Variants in LSAMP observed in about 807,000 individuals in gnomAD.
The protein encoded by LSAMP is limbic system associated membrane protein.
LSAMP carries 7 observed loss-of-function variants against 38.6 expected under a neutral mutation model. That is an observed-to-expected ratio of 0.18 (90% CI 0.10 to 0.34). LSAMP has a LOEUF of 0.34. Ranked by LOEUF, LSAMP falls within the 10% of genes least tolerant of loss-of-function variation. The pLI is 1.00. For synonymous variants in LSAMP, 154 were observed against 166.8 expected, an observed-to-expected ratio of 0.92 and a Z score of 0.59; for missense variants, 313 against 420.0, an observed-to-expected ratio of 0.75 and a Z score of 2.23.
chr3:115,870,065 A>G (rs1935987197), intron 3 of LSAMP, among the ~76,000 whole-genome samples: 1 of 152,132 alleles, frequency 6.6e-6, no homozygotes. Flanking sequence ...CATAAAAATT[A>G]TATAAAATTT....
rs543314781 is a variant in LSAMP at position 116,351,997 on chromosome 3, G to A, written c.155+92880C>T. Among the ~76,000 whole-genome samples the A allele has an allele frequency of 2.0e-5, 3 of 152,190 alleles. No homozygotes were observed. The East Asian group carries it at 5.8e-4, about 29-fold the overall frequency. ...ATAGCACTTAGAATGTCAGAGGAAAGTTTAGTTAACCCTTCAAATATTGTG... is the reference window on the plus strand; with the variant it reads ...ATAGCACTTAGAATGTCAGAGGAAAATTTAGTTAACCCTTCAAATATTGTG... On this transcript the variant is annotated intron_variant, in intron 1 of 6. Transcript: ENST00000490035.
chr3:116,188,816 C>T (rs1440349870), intron 1 of LSAMP, among the ~76,000 whole-genome samples: 1 of 152,098 alleles, frequency 6.6e-6, no homozygotes, highest in African/African-American at 2.4e-5. Context: ...ACACAAAGCT[C>T]ACATATACTC....
chr3:116,055,772 T>TC (rs1941480597), intron 2 of LSAMP, among the ~76,000 whole-genome samples: 1 of 152,222 alleles, frequency 6.6e-6, no homozygotes, highest in African/African-American at 2.4e-5. Context: ...CCATATGCTT[T>TC]CTTTGTAAAT....
intron 2 of LSAMP, among the ~76,000 whole-genome samples, chr3:116,050,801 C>T (rs1046587244): frequency 6.6e-6 from 1 of 152,166 alleles, no homozygotes; most frequent in Non-Finnish European, 1.5e-5. Flanking sequence ...ATATGAGTTG[C>T]TATGAAATTC....
At chr3:115,987,470 CTT>C (rs1939543209) in intron 3 of LSAMP, among the ~76,000 whole-genome samples, 1 of 152,124 alleles carries the variant, frequency 6.6e-6, no homozygotes, top group Non-Finnish European at 1.5e-5. Context: ...TTCGTTTAAC[CTT>C]GTGTTATTGA....
intron 1 of LSAMP, among the ~76,000 whole-genome samples, chr3:116,244,340 T>C (rs898792464): frequency 6.6e-6 from 1 of 152,236 alleles, no homozygotes; most frequent in African/African-American, 2.4e-5. Context: ...CCTAAATTTA[T>C]GTCCTTTGAC....
In LSAMP at chr3:115,828,553, A is replaced by G. The variant is rs1033533477; in HGVS notation, c.919+13292T>C. 2.0e-5 allele frequency among the ~76,000 whole-genome samples: 3 copies of G among 152,180 alleles called. No homozygotes were observed. The South Asian group carries it at 6.2e-4, about 31-fold the overall frequency. On this transcript the variant is annotated intron_variant, in intron 6 of 6. Transcript: ENST00000490035. The stretch of plus-strand genomic sequence containing the variant: ...AGCAAGCAGTGCTGCCGTGCACTCT[A>G]AAGACCAGAGGAGCCTGTGTCAGTT...
At chr3:116,196,690 T>C (rs1349538254) in intron 1 of LSAMP, among the ~76,000 whole-genome samples, 1 of 152,224 alleles carries the variant, frequency 6.6e-6, no homozygotes, top group African/African-American at 2.4e-5. Context: ...AGACCTGCCT[T>C]ATCACGTGTA....
chr3:116,090,004 CTTAAT>C (rs1337642557), intron 1 of LSAMP, among the ~76,000 whole-genome samples: 7 of 151,430 alleles, frequency 4.6e-5, no homozygotes, highest in African/African-American at 1.7e-4. Context: ...ATTTTAGAAT[CTTAAT>C]TTAAGGTGGC....
At chr3:116,158,190 T>A (rs1709801750) in intron 1 of LSAMP, among the ~76,000 whole-genome samples, 1 of 152,178 alleles carries the variant, frequency 6.6e-6, no homozygotes, top group South Asian at 2.1e-4. Flanking sequence ...AACTAGGCAT[T>A]GAAGGAACAT....
intron 3 of LSAMP, among the ~76,000 whole-genome samples, chr3:115,984,355 T>C (rs1023927684): frequency 7.9e-5 from 12 of 152,190 alleles, no homozygotes; most frequent in Non-Finnish European, 1.6e-4. Context: ...ATATGGGCCT[T>C]AAACTCAAGA....
intron 2 of LSAMP, among the ~76,000 whole-genome samples, chr3:116,046,406 A>G (rs1262214406): frequency 4.6e-5 from 7 of 151,514 alleles, no homozygotes; most frequent in African/African-American, 1.7e-4. Context: ...AGAAACAGGA[A>G]AAAAAAAATA....
At chr3:116,194,797 G>A (rs1710845684) in intron 1 of LSAMP, among the ~76,000 whole-genome samples, 1 of 152,060 alleles carries the variant, frequency 6.6e-6, no homozygotes, top group Admixed American at 6.5e-5. Context: ...ATGATACAAA[G>A]AGGGGCTTAT....
Position 115,806,733 on chromosome 3 carries a change from G to C in LSAMP, c.*3584C>G, listed in dbSNP as rs1035574490. The C allele has an allele frequency of 1.3e-5, 2 of 152,208 alleles. No individual in the cohort carries two copies. Among genetic ancestry groups the C allele is most frequent in the African/African-American group, 4.8e-5 (2 of 41,456 alleles). The allele number at this position is 152,208 out of a possible 1,614,324, so 9.4% of individuals were successfully genotyped here. Reference sequence around the variant, plus strand: ...AAAGGTCAATGGGGCAGTCCTTCCTGAGAGAAAACCCATCTGCTTTTCTAT... The same window carrying C: ...AAAGGTCAATGGGGCAGTCCTTCCTCAGAGAAAACCCATCTGCTTTTCTAT... On this transcript the variant is annotated 3_prime_UTR_variant, in exon 7 of 7. Transcript: ENST00000490035.
At chr3:116,228,560 A>G (rs2046366995) in intron 1 of LSAMP, among the ~76,000 whole-genome samples, 1 of 152,120 alleles carries the variant, frequency 6.6e-6, no homozygotes, top group African/African-American at 2.4e-5. Flanking sequence ...AGTCCAATAT[A>G]GTGGTAAATA....
intron 3 of LSAMP, among the ~76,000 whole-genome samples, chr3:115,948,422 T>G (rs997870492): frequency 1.3e-5 from 2 of 152,028 alleles, no homozygotes; most frequent in Non-Finnish European, 2.9e-5. Flanking sequence ...TGAAATCATA[T>G]CAAGTATCCT....
chr3:116,023,604 CAAAA>C (rs71141849), intron 2 of LSAMP, among the ~76,000 whole-genome samples: 2 of 78,050 alleles, frequency 2.6e-5, no homozygotes, highest in South Asian at 5.3e-4. Context: ...GACTCCGTCT[CAAAA>C]AAAAAAAAAA....
intron 3 of LSAMP, among the ~76,000 whole-genome samples, chr3:115,929,139 A>T (rs992483067): frequency 6.6e-6 from 1 of 152,030 alleles, no homozygotes; most frequent in Non-Finnish European, 1.5e-5. Flanking sequence ...TAGTGCATCA[A>T]ATGAGGAAAA....
chr3:115,977,729 CAAAA>C (rs56833385), intron 3 of LSAMP, among the ~76,000 whole-genome samples: 36,382 of 129,708 alleles, frequency 0.28, 5,195 homozygotes, highest in African/African-American at 0.43. Context: ...AACAGAACAC[CAAAA>C]AAAAAAAAAA....
Sources: allele counts gnomAD v4.1 joint callset (sites outside exome capture counted in the v4.1 genomes callset), GRCh38; gene constraint gnomAD v4.1.1; transcripts MANE v1.5; gene names NCBI Gene and HGNC (gene_info 2026-07-23, HGNC 2026-07-21).